The following RGS7 variants were observed in gnomAD, a reference collection of about 807,000 sequenced individuals.
RGS7 encodes regulator of G-protein signaling 7.
Under a neutral mutation model 81.1 loss-of-function variants are expected in RGS7, and 27 were observed. The ratio of observed to expected loss-of-function variants is 0.33; its 90% CI spans 0.25 to 0.46. RGS7 has a LOEUF of 0.46. Ranked by LOEUF, RGS7 falls within the 20% of genes least tolerant of loss-of-function variation. RGS7 has a pLI of 1.00. For synonymous variants in RGS7, 208 were observed against 207.7 expected (o/e 1.00, Z -0.01); for missense variants, 396 against 607.4 (o/e 0.65, Z 3.66).
intron 2 of RGS7, among the ~76,000 whole-genome samples, chr1:241,152,772 T>C (rs1280548091): frequency 6.6e-6 from 1 of 152,210 alleles, no homozygotes; most frequent in East Asian, 1.9e-4. Flanking sequence ...TCTCCTCCCA[T>C]GGTGGCCAGC....
At chr1:241,298,586 T>C (rs2079557135) in intron 2 of RGS7, among the ~76,000 whole-genome samples, 1 of 152,192 alleles carries the variant, frequency 6.6e-6, no homozygotes, top group Non-Finnish European at 1.5e-5. Context: ...AAGAATTATC[T>C]GTACCCTCGG....
At chr1:241,207,141 G>C (rs1391161189) in intron 2 of RGS7, among the ~76,000 whole-genome samples, 1 of 151,036 alleles carries the variant, frequency 6.6e-6, no homozygotes, top group Non-Finnish European at 1.5e-5. Context: ...GCTAATTTTT[G>C]TATTTTTAGT....
intron 2 of RGS7, among the ~76,000 whole-genome samples, chr1:241,330,170 A>G (rs141868627): frequency 0.013 from 1,965 of 152,062 alleles, 52 homozygotes; most frequent in African/African-American, 0.045. Flanking sequence ...CGATCTCCTG[A>G]CCTCGTGATC....
intron 4 of RGS7, among the ~76,000 whole-genome samples, chr1:240,957,927 T>TG (rs1680721530): frequency 6.6e-6 from 1 of 152,160 alleles, no homozygotes; most frequent in African/African-American, 2.4e-5. Flanking sequence ...ACACATAGGA[T>TG]GAAGAAGCCA....
rs1558203363 is a variant in RGS7 at position 241,220,999 on chromosome 1, G to GGAAGGAAGGAAGAAAGAA, written c.79-122238_79-122237insTTCTTTCTTCCTTCCTTC. 7.7e-4 allele frequency among the ~76,000 whole-genome samples: 50 copies of GGAAGGAAGGAAGAAAGAA among 64,738 alleles called. 1 individual carries two copies. Among genetic ancestry groups the GGAAGGAAGGAAGAAAGAA allele is most frequent in the South Asian group, 2.0e-3 (3 of 1,486 alleles). The allele number at this position is 64,738 out of a possible 152,430, so 42.5% of individuals were successfully genotyped here. A position where few individuals can be genotyped will look rare whatever the true frequency, so the allele number is the denominator to read the frequency against. ...GAAGGAAGGAAGGAAGGAAGGAAGA[G>GGAAGGAAGGAAGAAAGAA]AGAGAGAAAGGAAGGAAGGAAGGAA... is the stretch of plus-strand genomic sequence containing the variant. On this transcript the variant is annotated intron_variant, in intron 2 of 18. Coordinates refer to ENST00000440928, the MANE Select transcript of RGS7 (RefSeq NM_001364886.1).
At chr1:241,145,504 T>C (rs976574098) in intron 2 of RGS7, among the ~76,000 whole-genome samples, 4 of 152,208 alleles carry the variant, frequency 2.6e-5, no homozygotes, top group Admixed American at 2.6e-4. Context: ...TTAAAAATTC[T>C]ATGGGCCAGA....
At chr1:241,008,230 C>T (rs774227078) in intron 3 of RGS7, among the ~76,000 whole-genome samples, 20 of 152,114 alleles carry the variant, frequency 1.3e-4, no homozygotes, top group Non-Finnish European at 2.5e-4. Flanking sequence ...TCTAAAGAGA[C>T]TGAGCCTGTA....
intron 18 of RGS7, among the ~76,000 whole-genome samples, chr1:240,792,501 T>C (rs1262681766): frequency 1.3e-5 from 2 of 152,180 alleles, no homozygotes; most frequent in South Asian, 2.1e-4. Flanking sequence ...ACCTCCACAG[T>C]AGTCCCTGCC....
intron 2 of RGS7, among the ~76,000 whole-genome samples, chr1:241,253,461 G>T (rs2148228520): frequency 6.6e-6 from 1 of 152,256 alleles, no homozygotes; most frequent in Admixed American, 6.5e-5. Context: ...GGAGTATTCT[G>T]ATGATAAAAG....
intron 2 of RGS7, among the ~76,000 whole-genome samples, chr1:241,311,661 T>G (rs2080540442): frequency 6.6e-6 from 1 of 152,184 alleles, no homozygotes; most frequent in African/African-American, 2.4e-5. Flanking sequence ...TTCAGCTGGG[T>G]GCAGTTTTTT....
chr1:240,878,362 C>G (rs1271489322), intron 6 of RGS7, among the ~76,000 whole-genome samples: 1 of 152,168 alleles, frequency 6.6e-6, no homozygotes, highest in East Asian at 1.9e-4. Flanking sequence ...GTTCACCAAT[C>G]AATCCGCATG....
chr1:240,842,779 T>A (rs1336422092), intron 9 of RGS7, among the ~76,000 whole-genome samples: 1 of 152,142 alleles, frequency 6.6e-6, no homozygotes, highest in African/African-American at 2.4e-5. Context: ...TCCTTTTTCT[T>A]TCTTTCTTTC....
intron 2 of RGS7, among the ~76,000 whole-genome samples, chr1:241,322,073 C>T (rs919329966): frequency 4.6e-5 from 7 of 152,178 alleles, no homozygotes; most frequent in African/African-American, 9.7e-5. Context: ...CCTATTCAAA[C>T]CTAACTCATC....
In RGS7 at chr1:241,110,005, T is replaced by C. The variant is rs375347950; in HGVS notation, c.79-11243A>G. Among the ~76,000 whole-genome samples the C allele has an allele frequency of 2.2e-4, 33 of 152,252 alleles. No homozygotes were observed. In the South Asian group the frequency reaches 6.6e-3, roughly 31 times the overall value. On this transcript the variant is annotated intron_variant, in intron 2 of 18. Coordinates refer to ENST00000440928, the MANE Select transcript of RGS7 (RefSeq NM_001364886.1). ...ATTAAGAATTCCCACTTTAATAGTA[T>C]TAAAATATTAAACGTTAAGTTCTTT...
intron 18 of RGS7, among the ~76,000 whole-genome samples, chr1:240,793,787 T>C (rs1278833978): frequency 2.6e-5 from 4 of 151,282 alleles, no homozygotes; most frequent in Admixed American, 6.6e-5. Flanking sequence ...TTTTTTTTTG[T>C]ATTGTTAGTA....
intron 2 of RGS7, among the ~76,000 whole-genome samples, chr1:241,170,268 T>G (rs1274500646): frequency 6.6e-6 from 1 of 152,226 alleles, no homozygotes; most frequent in Non-Finnish European, 1.5e-5. Context: ...ACAGATAAAC[T>G]TAATTTTCAT....
At chr1:241,291,319 A>G (rs1466987932) in intron 2 of RGS7, among the ~76,000 whole-genome samples, 1 of 141,362 alleles carries the variant, frequency 7.1e-6, no homozygotes, top group Non-Finnish European at 1.6e-5. Flanking sequence ...CCTAAGTAAG[A>G]CTCACAGTTA....
intron 2 of RGS7, among the ~76,000 whole-genome samples, chr1:241,196,449 C>G (rs2073078500): frequency 6.6e-6 from 1 of 151,736 alleles, no homozygotes; most frequent in South Asian, 2.1e-4. Flanking sequence ...ATTTAAGCCT[C>G]AAAATAGCAT....
intron 10 of RGS7, among the ~76,000 whole-genome samples, chr1:240,822,360 G>A (rs1393844317): frequency 2.0e-5 from 3 of 152,082 alleles, no homozygotes; most frequent in Non-Finnish European, 4.4e-5. Context: ...AAACAGGCAG[G>A]GGATGTCTAG....
Sources: gnomAD v4.1 joint callset for allele counts (sites outside exome capture counted in the v4.1 genomes callset) on GRCh38, gnomAD v4.1.1 for gene constraint, MANE v1.5 for transcripts, NCBI Gene and HGNC (gene_info 2026-07-23, HGNC 2026-07-21) for gene names.